EYA2: variants seen among roughly 807,000 people sequenced by gnomAD.
EYA2 encodes protein phosphatase EYA2.
EYA2 carries 31 observed loss-of-function variants against 69.2 expected under a neutral mutation model. That is an observed-to-expected ratio of 0.45 (90% CI 0.34 to 0.60). The LOEUF is 0.60. Ranked by LOEUF, EYA2 falls within the 20% of genes least tolerant of loss-of-function variation. EYA2 has a pLI of 0.02. For synonymous variants in EYA2, 257 were observed against 279.4 expected (o/e 0.92, Z 0.80); for missense variants, 622 against 701.2 (o/e 0.89, Z 1.28).
intron 1 of EYA2, among the ~76,000 whole-genome samples, chr20:46,941,403 CT>C (rs1317998227): frequency 6.6e-6 from 1 of 152,228 alleles, no homozygotes; most frequent in African/African-American, 2.4e-5. Context: ...GCTGTGTGGC[CT>C]TTCATAGCCT....
At chr20:47,092,261 A>G (rs17504450) in intron 8 of EYA2, among the ~76,000 whole-genome samples, 5,337 of 152,224 alleles carry the variant, frequency 0.035, 134 homozygotes, top group Non-Finnish European at 0.052. Context: ...GCCTTGATCC[A>G]TGCTAGAGAC....
intron 1 of EYA2, among the ~76,000 whole-genome samples, chr20:46,973,243 CGT>C (rs1444576783): frequency 3.3e-5 from 5 of 152,150 alleles, no homozygotes; most frequent in African/African-American, 9.7e-5. Context: ...TTAACAACAC[CGT>C]GAACAGGCAG....
At chr20:46,899,981 C>G (rs1410882870) in intron 1 of EYA2, among the ~76,000 whole-genome samples, 1 of 152,126 alleles carries the variant, frequency 6.6e-6, no homozygotes, top group African/African-American at 2.4e-5. Context: ...TAAAAATGAA[C>G]AAAGTATGTA....
At chr20:46,963,491 A>G (rs1478861713) in intron 1 of EYA2, among the ~76,000 whole-genome samples, 2 of 152,226 alleles carry the variant, frequency 1.3e-5, no homozygotes, top group African/African-American at 4.8e-5. Flanking sequence ...ATCAAACACA[A>G]ATAAATACAT....
intron 7 of EYA2, among the ~76,000 whole-genome samples, chr20:47,074,712 C>G (rs77248332): frequency 0.033 from 4,995 of 152,294 alleles, 267 homozygotes; most frequent in African/African-American, 0.11. Flanking sequence ...AGTGTGTCTG[C>G]TCTTTTTAGA....
chr20:46,949,650 C>A (rs774443482), intron 1 of EYA2, among the ~76,000 whole-genome samples: 20 of 152,210 alleles, frequency 1.3e-4, no homozygotes, highest in Admixed American at 2.6e-4. Flanking sequence ...GAGCCACACC[C>A]TCTAAGGCAC....
intron 15 of EYA2, among the ~76,000 whole-genome samples, chr20:47,185,857 T>TC (rs547057586): frequency 7.9e-5 from 12 of 152,296 alleles, no homozygotes; most frequent in African/African-American, 2.6e-4. Flanking sequence ...CTTCTTTTTT[T>TC]CCCTCTCTCT....
At chr20:47,031,646 G>A (rs16992193) in intron 5 of EYA2, among the ~76,000 whole-genome samples, 23,535 of 152,220 alleles carry the variant, frequency 0.15, 1,919 homozygotes, top group African/African-American at 0.17. Context: ...CCCAGAGCAC[G>A]GCTTTGATGA....
At chr20:47,076,390 A>G (rs1233414115) in intron 7 of EYA2, among the ~76,000 whole-genome samples, 2 of 152,104 alleles carry the variant, frequency 1.3e-5, no homozygotes, top group Non-Finnish European at 2.9e-5. Context: ...ACTTTTTAAT[A>G]ATGGCCATTC....
At chr20:47,147,914 C>T (rs141713814) in intron 10 of EYA2, among the ~76,000 whole-genome samples, 1 of 152,070 alleles carries the variant, frequency 6.6e-6, no homozygotes, top group African/African-American at 2.4e-5. Context: ...CAAAAATTAG[C>T]CAGGTGTGGT....
intron 9 of EYA2, among the ~76,000 whole-genome samples, chr20:47,128,792 T>C (rs1184184048): frequency 1.3e-5 from 2 of 152,144 alleles, no homozygotes; most frequent in Non-Finnish European, 2.9e-5. Context: ...AATGGGATAA[T>C]GTACACAAAG....
intron 5 of EYA2, among the ~76,000 whole-genome samples, chr20:47,033,350 G>T (rs914517069): frequency 6.6e-6 from 1 of 152,226 alleles, no homozygotes; most frequent in Non-Finnish European, 1.5e-5. Context: ...AGTCTCTGTT[G>T]CAACTGCTCA....
intron 9 of EYA2, among the ~76,000 whole-genome samples, chr20:47,107,414 A>T (rs1600714013): frequency 6.6e-6 from 1 of 151,448 alleles, no homozygotes; most frequent in East Asian, 2.0e-4. Flanking sequence ...AGTCCCAGCT[A>T]TCTGGGAGGC....
intron 9 of EYA2, among the ~76,000 whole-genome samples, chr20:47,140,560 C>T (rs564725274): frequency 6.6e-6 from 1 of 152,248 alleles, no homozygotes; most frequent in East Asian, 1.9e-4. Context: ...GGGGACAAGG[C>T]CCCTGTCGCT....
intron 1 of EYA2, among the ~76,000 whole-genome samples, chr20:46,944,728 A>C (rs1362458319): frequency 2.0e-5 from 3 of 152,220 alleles, no homozygotes; most frequent in Admixed American, 6.5e-5. Context: ...GCTCATACCA[A>C]GAACAGGTAT....
chr20:46,930,440 T>G (rs886285691), intron 1 of EYA2, among the ~76,000 whole-genome samples: 4 of 152,088 alleles, frequency 2.6e-5, no homozygotes, highest in African/African-American at 4.8e-5. Flanking sequence ...GAATTTCAGG[T>G]TTTTTTGACG....
chr20:47,108,603 G>A (rs1327632250), intron 9 of EYA2, among the ~76,000 whole-genome samples: 1 of 151,984 alleles, frequency 6.6e-6, no homozygotes, highest in Non-Finnish European at 1.5e-5. Flanking sequence ...ACAGGGTCTT[G>A]CTCTGTCACC....
At position 46,961,493 on chromosome 20, in the gene EYA2, C is replaced by CAT. The variant is rs531368864; in HGVS notation, c.-10-28505_-10-28504dup. Among the ~76,000 whole-genome samples the CAT allele has an allele frequency of 3.5e-4, 53 of 152,236 alleles. No homozygotes were observed. In the South Asian group the frequency reaches 0.011, roughly 30 times the overall value. On this transcript the variant is annotated intron_variant, in intron 1 of 15. Transcript: ENST00000327619. ...TCAAGAAAACTAAAAATATAGCTAC[C>CAT]ATATGATCCAGCGATCCCACTACTG... is the stretch of plus-strand genomic sequence containing the variant.
intron 9 of EYA2, among the ~76,000 whole-genome samples, chr20:47,136,811 A>G (rs1161320342): frequency 1.3e-5 from 2 of 151,990 alleles, no homozygotes; most frequent in African/African-American, 4.8e-5. Context: ...ATCCAGGTCC[A>G]TAGCCTCTCT....
Sources: allele counts gnomAD v4.1 joint callset (sites outside exome capture counted in the v4.1 genomes callset), GRCh38; gene constraint gnomAD v4.1.1; transcripts MANE v1.5; gene names NCBI Gene and HGNC (gene_info 2026-07-23, HGNC 2026-07-21).